Variants in PTP4A1 observed in about 807,000 individuals in gnomAD.
PTP4A1 encodes the protein protein tyrosine phosphatase 4A1.
A neutral mutation model predicts 20.5 loss-of-function variants in PTP4A1; 9 were observed. The ratio of observed to expected loss-of-function variants is 0.44; its 90% CI spans 0.26 to 0.77. PTP4A1 has a LOEUF of 0.77. Among genes scored for constraint, PTP4A1 ranks in the 30% least tolerant of loss-of-function variants. The pLI, the probability that PTP4A1 is intolerant of heterozygous loss-of-function variation, is 0.19. For missense variants in PTP4A1, 137 were observed against 218.8 expected (o/e 0.63, Z 2.36); for synonymous variants, 78 against 67.4 (o/e 1.16, Z -0.77).
intron 3 of PTP4A1, among the ~76,000 whole-genome samples, chr6:63,559,857 G>A (rs1457477078): frequency 4.6e-5 from 7 of 152,100 alleles, no homozygotes; most frequent in Non-Finnish European, 1.0e-4. Flanking sequence ...GAACTCCTGG[G>A]CTCAAACAAT....
intron 2 of PTP4A1, among the ~76,000 whole-genome samples, chr6:63,542,280 G>A (rs1036936342): frequency 2.0e-5 from 3 of 152,024 alleles, no homozygotes; most frequent in Non-Finnish European, 4.4e-5. Context: ...GGGGGAAAGG[G>A]TGGGAAGAGG....
intron 2 of PTP4A1, among the ~76,000 whole-genome samples, chr6:63,577,474 C>T (rs1267867456): frequency 2.0e-5 from 3 of 152,174 alleles, no homozygotes; most frequent in African/African-American, 2.4e-5. Flanking sequence ...AATAATATAT[C>T]GGGATGTGCA....
intron 3 of PTP4A1, among the ~76,000 whole-genome samples, chr6:63,566,773 T>C (rs2149499937): frequency 6.6e-6 from 1 of 152,282 alleles, no homozygotes. Context: ...AAAAAATTTC[T>C]CTGTAGCAGG....
upstream of PTP4A1, among the ~76,000 whole-genome samples, chr6:63,518,356 T>C (rs560938538): frequency 9.3e-4 from 142 of 152,266 alleles, no homozygotes; most frequent in South Asian, 0.014. Context: ...ACAGCTTAGG[T>C]ATCTTGAGGT....
At position 63,578,972 on chromosome 6, in the gene PTP4A1, G is replaced by A. The variant is rs199601398; in HGVS notation, c.273G>A (p.Lys91=). The A allele has an allele frequency of 1.2e-4, 187 of 1,608,034 alleles. 1 individual carries two copies. The South Asian group carries it at 2.0e-3, about 17-fold the overall frequency. Reference sequence around the variant, plus strand: ...ACTGGTTAAGTCTTGTGAAAATTAAGTTTCGTGAAGAACCTGGTTGTTGTA... The same window carrying A: ...ACTGGTTAAGTCTTGTGAAAATTAAATTTCGTGAAGAACCTGGTTGTTGTA... ...VDDWLSLVKI[K]FREEPGCCIA... The change falls in exon 4 of 6, where the codon AAG becomes AAA. Residue 91 remains lysine, a synonymous_variant. Coordinates refer to ENST00000626021, the MANE Select transcript of PTP4A1 (RefSeq NM_003463.5).
At chr6:63,524,796 T>C (rs1463673156) in intron 1 of PTP4A1, among the ~76,000 whole-genome samples, 1 of 152,246 alleles carries the variant, frequency 6.6e-6, no homozygotes, top group Non-Finnish European at 1.5e-5. Flanking sequence ...TCAAAGTTTC[T>C]ATTTTAATCA....
intron 2 of PTP4A1, among the ~76,000 whole-genome samples, chr6:63,547,744 C>T (rs923301002): frequency 6.0e-5 from 9 of 151,064 alleles, no homozygotes; most frequent in African/African-American, 1.9e-4. Context: ...ATCTCCTGAC[C>T]TCATGATCCA....
chr6:63,554,491 T>C (rs530564781), intron 3 of PTP4A1, among the ~76,000 whole-genome samples: 8 of 152,180 alleles, frequency 5.3e-5, no homozygotes, highest in African/African-American at 1.9e-4. Context: ...TAGCACACAA[T>C]AAGGAACACC....
intron 3 of PTP4A1, 51 bp downstream of exon 3, chr6:63,578,580 TATTCAAATAGTAA>T: frequency 1.3e-6 from 2 of 1,567,676 alleles, no homozygotes; most frequent in Non-Finnish European, 8.6e-7. Context: ...TACAAAAGTT[TATTCAAATAGTAA>T]ATTCAAATAA....
rs1779783 is a variant in PTP4A1 at position 63,546,999 on chromosome 6, C to A, written c.-639-3301C>A. 2.7e-3 allele frequency among the ~76,000 whole-genome samples: 416 copies of A among 152,090 alleles called. 1 individual carries two copies. Among genetic ancestry groups the A allele is most frequent in the African/African-American group, 9.5e-3 (393 of 41,518 alleles). On this transcript the variant is annotated intron_variant, in intron 2 of 3. Transcript: ENST00000639568. Reference sequence around the variant, plus strand: ...ACCTTAATAAAGTTGATAAAACATTCTTTTTTAAAAAGTTTTGGATTATAG... The same window carrying A: ...ACCTTAATAAAGTTGATAAAACATTATTTTTTAAAAAGTTTTGGATTATAG...
At chr6:63,535,455 G>A (rs3857527) in intron 2 of PTP4A1, among the ~76,000 whole-genome samples, 13,220 of 152,022 alleles carry the variant, frequency 0.087, 615 homozygotes, top group East Asian at 0.16. Flanking sequence ...GCAACAGAGC[G>A]AGACTCTGTC....
intron 2 of PTP4A1, among the ~76,000 whole-genome samples, chr6:63,543,238 G>A (rs1776055812): frequency 6.6e-6 from 1 of 152,106 alleles, no homozygotes; most frequent in African/African-American, 2.4e-5. Context: ...CTTATCCCAG[G>A]AAACCCCTCA....
At chr6:63,552,631 T>A (rs1394227197) in intron 3 of PTP4A1, among the ~76,000 whole-genome samples, 4 of 152,352 alleles carry the variant, frequency 2.6e-5, no homozygotes, top group African/African-American at 9.6e-5. Flanking sequence ...CTGAATGGTA[T>A]TGCCTAGGTT....
At chr6:63,527,876 G>C (rs1775255989) in exon 2 of PTP4A1, 1 of 152,214 alleles carries the variant, frequency 6.6e-6, no homozygotes, top group South Asian at 2.1e-4. Context: ...CCCAGCAGCA[G>C]TGCCAGTTCA....
chr6:63,532,161 T>A (rs1775501552), intron 2 of PTP4A1, among the ~76,000 whole-genome samples: 1 of 152,146 alleles, frequency 6.6e-6, no homozygotes, highest in Admixed American at 6.6e-5. Context: ...AAAGAAAAAA[T>A]TAGAAATAAC....
chr6:63,572,650 C>T lies in PTP4A1; in HGVS notation c.-515C>T, dbSNP rs990247276. ...TCCTGCCCTGCAGCCACCGCCACCG[C>T]CTGTGTCGCCGCCGCCTCGGGACCG... On this transcript the variant is annotated 5_prime_UTR_variant, in exon 1 of 6. Transcript: ENST00000626021. The T allele has an allele frequency of 1.4e-5, 6 of 413,966 alleles. No individual in the cohort carries two copies. Among genetic ancestry groups the T allele is most frequent in the East Asian group, 7.0e-5 (2 of 28,486 alleles). 25.6% of individuals were successfully genotyped at this position (413,966 alleles called of 1,614,324 possible).
At chr6:63,534,781 C>CTAAAGAATTTCTTTAGTAAAGAATTTCG (rs1775638046) in intron 2 of PTP4A1, among the ~76,000 whole-genome samples, 4 of 137,848 alleles carry the variant, frequency 2.9e-5, no homozygotes, top group Non-Finnish European at 6.1e-5. Context: ...AATTTCTTTA[C>CTAAAGAATTTCTTTAGTAAAGAATTTCG]TAAAGAATTT....
chr6:63,583,477 A>G lies in PTP4A1; in HGVS notation c.*3303A>G, dbSNP rs1778375112. 1 of 152,236 alleles carries G rather than the reference A, an allele frequency of 6.6e-6. No homozygotes were observed. Among genetic ancestry groups the G allele is most frequent in the African/African-American group, 2.4e-5 (1 of 41,468 alleles). The allele number at this position is 152,236 out of a possible 1,614,324, so 9.4% of individuals were successfully genotyped here. ...AAGGGAAAAACTTGTATTTGCCTTC[A>G]ATGAATTAAACCAGTGATATGTGTT... On this transcript the variant is annotated 3_prime_UTR_variant, in exon 6 of 6. Transcript: ENST00000626021.
intron 2 of PTP4A1, chr6:63,549,588 T>A: frequency 1.7e-6 from 1 of 600,302 alleles, no homozygotes; most frequent in South Asian, 2.1e-5. Context: ...AAAGAAAACC[T>A]TTATGTGATA....
Sources: gnomAD v4.1 joint callset for allele counts (sites outside exome capture counted in the v4.1 genomes callset) on GRCh38, gnomAD v4.1.1 for gene constraint, MANE v1.5 for transcripts, NCBI Gene and HGNC (gene_info 2026-07-23, HGNC 2026-07-21) for gene names.